Variants in KCNG2 observed in about 807,000 individuals in gnomAD.
KCNG2 encodes voltage-gated potassium channel regulatory subunit KCNG2.
In KCNG2, 7 loss-of-function variants were observed where a neutral mutation model predicts 12.3. That is an observed-to-expected ratio of 0.57 (90% CI 0.32 to 1.07). The LOEUF is 1.07. Among genes scored for constraint, KCNG2 ranks in the 50% least tolerant of loss-of-function variants. The probability of loss-of-function intolerance (pLI) is 0.04; values close to 1 mark genes in which losing one functional copy is unlikely to be tolerated. For synonymous variants in KCNG2, 414 were observed against 351.4 expected, an observed-to-expected ratio of 1.18 and a Z score of -1.99; for missense variants, 703 against 726.0, an observed-to-expected ratio of 0.97 and a Z score of 0.36.
chr18:79,821,095 C>T (rs2087566677), intron 1 of KCNG2, among the ~76,000 whole-genome samples: 1 of 152,104 alleles, frequency 6.6e-6, no homozygotes, highest in Non-Finnish European at 1.5e-5. Context: ...TTGATAGTGT[C>T]CTCGGATGCA....
chr18:79,846,735 A>T (rs1391018390), intron 1 of KCNG2, among the ~76,000 whole-genome samples: 1 of 152,246 alleles, frequency 6.6e-6, no homozygotes, highest in Middle Eastern at 3.2e-3. Flanking sequence ...GACAGTTCTC[A>T]GCTGCAGTCG....
At chr18:79,866,478 T>TGA (rs200863392) in intron 3 of KCNG2, among the ~76,000 whole-genome samples, 4 of 99,464 alleles carry the variant, frequency 4.0e-5, no homozygotes, top group Non-Finnish European at 6.1e-5. Flanking sequence ...GTCTGGGTGC[T>TGA]GAGGTCTGTG....
At chr18:79,856,195 C>A (rs775096444) in intron 1 of KCNG2, among the ~76,000 whole-genome samples, 184 bp from the exon 2 acceptor site, 1 of 152,212 alleles carries the variant, frequency 6.6e-6, no homozygotes, top group Non-Finnish European at 1.5e-5. Context: ...AATTATTCAT[C>A]CCTGCCTACA....
chr18:79,825,613 C>A (rs1284837677), intron 1 of KCNG2, among the ~76,000 whole-genome samples: 1 of 152,218 alleles, frequency 6.6e-6, no homozygotes, highest in Non-Finnish European at 1.5e-5. Context: ...ATCAACTTGA[C>A]TGACGGGGCG....
chr18:79,820,266 T>C (rs1371243773), intron 1 of KCNG2, among the ~76,000 whole-genome samples: 1 of 152,230 alleles, frequency 6.6e-6, no homozygotes, highest in Non-Finnish European at 1.5e-5. Flanking sequence ...CGGCTCTGAA[T>C]GTCAGCACAT....
At chr18:79,813,801 G>A (rs941290349) in intron 1 of KCNG2, among the ~76,000 whole-genome samples, 2 of 152,198 alleles carry the variant, frequency 1.3e-5, no homozygotes, top group Non-Finnish European at 2.9e-5. Flanking sequence ...CATTTTAAGA[G>A]CATGAAGCGT....
At chr18:79,852,024 C>T (rs1318258349) in intron 1 of KCNG2, among the ~76,000 whole-genome samples, 3 of 152,186 alleles carry the variant, frequency 2.0e-5, no homozygotes, top group Non-Finnish European at 4.4e-5. Flanking sequence ...GGCTGTTTGG[C>T]CCTTGCGGAC....
At chr18:79,813,835 A>G (rs1051628382) in intron 1 of KCNG2, among the ~76,000 whole-genome samples, 17 of 152,242 alleles carry the variant, frequency 1.1e-4, no homozygotes, top group African/African-American at 4.1e-4. Context: ...GGGAGAAAAT[A>G]TTTGCAAACC....
intron 3 of KCNG2, among the ~76,000 whole-genome samples, chr18:79,865,070 G>A (rs1979417378): frequency 6.6e-6 from 1 of 150,944 alleles, no homozygotes; most frequent in Non-Finnish European, 1.5e-5. Flanking sequence ...TGTGTGCTGA[G>A]AGGACCTTGT....
intron 3 of KCNG2, among the ~76,000 whole-genome samples, chr18:79,892,648 A>G (rs1568273588): frequency 6.6e-6 from 1 of 151,948 alleles, no homozygotes; most frequent in Non-Finnish European, 1.5e-5. Flanking sequence ...ATTCACAGCT[A>G]ATGTTACGAT....
intron 2 of KCNG2, among the ~76,000 whole-genome samples, chr18:79,859,683 A>G (rs9945079): frequency 0.033 from 5,064 of 152,270 alleles, 307 homozygotes; most frequent in African/African-American, 0.11. Flanking sequence ...GCAGGGTCCA[A>G]CTTTATTTTT....
intron 1 of KCNG2, among the ~76,000 whole-genome samples, chr18:79,831,943 C>T (rs1978298556): frequency 6.6e-6 from 1 of 152,194 alleles, no homozygotes; most frequent in Admixed American, 6.5e-5. Context: ...TTCGCTGTGA[C>T]CTCCACCTGG....
At chr18:79,833,145 T>C (rs1434774172) in intron 1 of KCNG2, among the ~76,000 whole-genome samples, 2 of 152,244 alleles carry the variant, frequency 1.3e-5, no homozygotes, top group Non-Finnish European at 2.9e-5. Flanking sequence ...GGGTTTTTTT[T>C]GTTTTTTTGA....
At chr18:79,898,997 C>G (rs1169257013) in intron 3 of KCNG2, 43 bp from the exon 4 acceptor site, 3 of 1,422,408 alleles carry the variant, frequency 2.1e-6, no homozygotes, top group Non-Finnish European at 2.8e-6. Context: ...CCCGGCCCTC[C>G]AAGAGGCCTG....
chr18:79,806,938 C>T (rs758947747), intron 1 of KCNG2, among the ~76,000 whole-genome samples: 1 of 152,228 alleles, frequency 6.6e-6, no homozygotes, highest in Admixed American at 6.5e-5. Context: ...CACCCTTACT[C>T]ATGGATCTAG....
chr18:79,813,871 T>G (rs182541193), intron 1 of KCNG2, among the ~76,000 whole-genome samples: 23 of 152,352 alleles, frequency 1.5e-4, no homozygotes, highest in Non-Finnish European at 2.5e-4. Flanking sequence ...GACCAAAGTT[T>G]GGAATATATA....
chr18:79,817,005 C>T (rs1426088582), intron 1 of KCNG2, among the ~76,000 whole-genome samples: 4 of 152,230 alleles, frequency 2.6e-5, no homozygotes, highest in Non-Finnish European at 5.9e-5. Flanking sequence ...ACATGGTTGT[C>T]ACACGGCTGC....
intron 3 of KCNG2, among the ~76,000 whole-genome samples, chr18:79,892,405 C>G (rs1225294296): frequency 1.3e-5 from 2 of 152,210 alleles, no homozygotes; most frequent in African/African-American, 4.8e-5. Context: ...TATCTTGTTA[C>G]ATTGTATCTA....
chr18:79,833,162 G>A (rs1978305608), intron 1 of KCNG2, among the ~76,000 whole-genome samples: 1 of 151,916 alleles, frequency 6.6e-6, no homozygotes, highest in Admixed American at 6.6e-5. Flanking sequence ...TTGAGATGGT[G>A]TCTCACTCTG....
Sources: allele counts gnomAD v4.1 joint callset (sites outside exome capture counted in the v4.1 genomes callset), GRCh38; gene constraint gnomAD v4.1.1; transcripts MANE v1.5; gene names NCBI Gene and HGNC (gene_info 2026-07-23, HGNC 2026-07-21).